The following LRRC75B variants were observed in gnomAD, a reference collection of about 807,000 sequenced individuals.
LRRC75B encodes leucine rich repeat containing 75B, also known as leucine-rich repeat-containing protein 75B.
A neutral mutation model predicts 16.5 loss-of-function variants in LRRC75B; 20 were observed. The observed-to-expected ratio is 1.21, with a 90% confidence interval of 0.85 to 1.76. The LOEUF is 1.76. Ranked by LOEUF, LRRC75B falls within the 40% of genes most tolerant of loss-of-function variation. LRRC75B has a pLI of 0.00. For synonymous variants in LRRC75B, 199 were observed against 198.1 expected (o/e 1.00, Z -0.04); for missense variants, 406 against 417.0 (o/e 0.97, Z 0.23).
intron 3 of LRRC75B, among the ~76,000 whole-genome samples, chr22:24,587,133 C>A (rs935049881): frequency 3.3e-5 from 5 of 152,180 alleles, no homozygotes; most frequent in African/African-American, 1.2e-4. Context: ...TTTCCCTGTG[C>A]CCCTTCTGAT....
chr22:24,589,285 G>A, intron 2 of LRRC75B: 1 of 1,239,546 alleles, frequency 8.1e-7, no homozygotes. Context: ...GGAGGCTGCA[G>A]GTGGCAAACT....
chr22:24,588,555 C>A, intron 2 of LRRC75B: 1 of 789,384 alleles, frequency 1.3e-6, no homozygotes, highest in Non-Finnish European at 1.9e-6. Flanking sequence ...TGGTCCAGTC[C>A]CGCAGTGCCC....
chr22:24,590,066 G>T, intron 1 of LRRC75B, 117 bp from the exon 2 acceptor site: 2 of 1,250,538 alleles, frequency 1.6e-6, no homozygotes, highest in South Asian at 3.3e-5. Flanking sequence ...CCTCCCTAAG[G>T]CTGGCTGGAT....
In LRRC75B at chr22:24,585,964, C is replaced by T. The variant is rs2045379821; in HGVS notation, c.870G>A (p.Gly290=). ...CCCAGGTGGAGGCAGGGGTGGTGGC[C>T]CCGGCCGCACTGCCCTCAGGCTCAA... is the stretch of plus-strand genomic sequence containing the variant. ...LDLEPEGSAA[G]ATTPASTWDS... Residue 290 remains glycine (G), a synonymous_variant, in exon 4 of 4, where the codon GGG becomes GGA. Coordinates refer to ENST00000318753, the MANE Select transcript of LRRC75B (RefSeq NM_207644.3). 13 of 1,609,712 alleles carry T rather than the reference C, an allele frequency of 8.1e-6. No homozygotes were observed. Among genetic ancestry groups the T allele is most frequent in the South Asian group, 1.1e-5 (1 of 91,066 alleles).
chr22:24,591,594 A>G (rs548419145), intron 1 of LRRC75B, among the ~76,000 whole-genome samples: 1 of 152,314 alleles, frequency 6.6e-6, no homozygotes, highest in South Asian at 2.1e-4. Flanking sequence ...CTGGACCTCA[A>G]ATCCCAACCT....
In LRRC75B at chr22:24,585,882, T is replaced by G; in HGVS notation, c.*4A>C. The G allele has an allele frequency of 6.4e-7, 1 of 1,572,920 alleles. No individual in the cohort carries two copies. The highest frequency in any genetic ancestry group is 2.3e-5 in the East Asian group (1 of 43,208). On this transcript the variant is annotated 3_prime_UTR_variant, in exon 4 of 4. Transcript: ENST00000318753. ...CAGTAGCAATGAGCCAGGTGGGTGGTGGGTCACCTGGCACAGCAGGCCTGG... is the reference window on the plus strand; with the variant it reads ...CAGTAGCAATGAGCCAGGTGGGTGGGGGGTCACCTGGCACAGCAGGCCTGG...
intron 2 of LRRC75B, 58 bp downstream of exon 2, chr22:24,589,763 T>C: frequency 6.6e-7 from 1 of 1,516,468 alleles, no homozygotes; most frequent in South Asian, 1.3e-5. Context: ...CCCTGGGCTC[T>C]GTTGGCCCCC....
intron 3 of LRRC75B, 64 bp from the exon 4 acceptor site, chr22:24,586,475 C>T: frequency 6.5e-7 from 1 of 1,528,878 alleles, no homozygotes; most frequent in Admixed American, 1.8e-5. Flanking sequence ...TGACCACAGA[C>T]AGTGACCTGT....
Position 24,586,059 on chromosome 22 carries a change from G to A in LRRC75B, c.775C>T (p.Leu259=). Reference sequence around the variant, plus strand: ...AGCCGCCGGCGCAGGCCGACCAGCAGGGGCTGGGGCAGGGAAGCCACATCC... The same window carrying A: ...AGCCGCCGGCGCAGGCCGACCAGCAAGGGCTGGGGCAGGGAAGCCACATCC... The part of the protein sequence containing the change: ...NVDVASLPQP[L]LVGLRRRLSQ... Residue 259 remains leucine (L), a synonymous_variant, in exon 4 of 4, where the codon CTG becomes TTG. Transcript: ENST00000318753. The A allele has an allele frequency of 6.2e-7, 1 of 1,612,042 alleles. No individual in the cohort carries two copies. The highest frequency in any genetic ancestry group is 8.5e-7 in the Non-Finnish European group (1 of 1,179,930).
At position 24,590,369 on chromosome 22, in the gene LRRC75B, C is replaced by T. The variant is rs145597454; in HGVS notation, c.178-420G>A. Among the ~76,000 whole-genome samples the T allele has an allele frequency of 7.9e-3, 1,195 of 152,222 alleles. 16 individuals are homozygous for T. Among genetic ancestry groups the T allele is most frequent in the African/African-American group, 0.026 (1,084 of 41,516 alleles). ...CTGGTCTCAAACTCCTGGGCTCAAG[C>T]GATCCTCCCAAAGTGCTGGGATTAC... On this transcript the variant is annotated intron_variant, in intron 1 of 3. Coordinates refer to ENST00000318753, the MANE Select transcript of LRRC75B (RefSeq NM_207644.3).
intron 3 of LRRC75B, 63 bp downstream of exon 3, chr22:24,588,151 T>G (rs925286108): frequency 7.8e-7 from 1 of 1,282,494 alleles, no homozygotes; most frequent in Non-Finnish European, 1.1e-6. Flanking sequence ...AGAGTGCAGG[T>G]GTCAACCTGA....
chr22:24,592,788 C>T (rs2045611173), intron 1 of LRRC75B, 75 bp downstream of exon 1: 6 of 1,269,244 alleles, frequency 4.7e-6, no homozygotes, highest in Non-Finnish European at 6.0e-6. Context: ...ACCCATAGCC[C>T]CGCGCCTCCC....
intron 1 of LRRC75B, 43 bp downstream of exon 1, chr22:24,592,820 C>T (rs1023772084): frequency 5.5e-6 from 7 of 1,266,246 alleles, no homozygotes; most frequent in African/African-American, 1.6e-5. Flanking sequence ...CCCCCAGACC[C>T]TCCCTGGCCG....
At chr22:24,590,072 T>C in intron 1 of LRRC75B, 123 bp from the exon 2 acceptor site, 1 of 1,205,048 alleles carries the variant, frequency 8.3e-7, no homozygotes, top group Non-Finnish European at 1.1e-6. Context: ...TAAGGCTGGC[T>C]GGATTCTCCC....
chr22:24,588,098 T>C, intron 3 of LRRC75B, 116 bp downstream of exon 3: 1 of 793,100 alleles, frequency 1.3e-6, no homozygotes, highest in Non-Finnish European at 2.1e-6. Flanking sequence ...GCGGACCAGG[T>C]GAGGGCCTCA....
chr22:24,589,544 G>T (rs1275308215), intron 2 of LRRC75B: 3 of 462,800 alleles, frequency 6.5e-6, no homozygotes, highest in East Asian at 5.8e-5. Flanking sequence ...AGTCTTCCTG[G>T]TCTGGGCCCC....
At chr22:24,590,807 T>G (rs1463202998) in intron 1 of LRRC75B, among the ~76,000 whole-genome samples, 1 of 152,092 alleles carries the variant, frequency 6.6e-6, no homozygotes, top group Non-Finnish European at 1.5e-5. Flanking sequence ...CCCAGCTCAG[T>G]ATAGGGCACC....
chr22:24,592,143 A>G (rs759204206), intron 1 of LRRC75B: 97 of 381,646 alleles, frequency 2.5e-4, no homozygotes, highest in Non-Finnish European at 4.7e-4. Context: ...TGGTGAGGGA[A>G]GTGGCATGCC....
Position 24,586,030 on chromosome 22 carries a change from G to A in LRRC75B, c.804C>T (p.Ser268=). The A allele has an allele frequency of 1.2e-6, 2 of 1,611,020 alleles. No homozygotes were observed. The highest frequency in any genetic ancestry group is 1.7e-6 in the Non-Finnish European group (2 of 1,179,902). Residue 268 remains serine, a synonymous_variant, in exon 4 of 4, where the codon AGC becomes AGT. Coordinates refer to ENST00000318753, the MANE Select transcript of LRRC75B (RefSeq NM_207644.3). ...PLLVGLRRRL[S]QRTSLPTIYE... ...AGATGGTGGGGAGTGAGGTGCGCTG[G>A]CTCAGCCGCCGGCGCAGGCCGACCA...
Sources: allele counts gnomAD v4.1 joint callset (sites outside exome capture counted in the v4.1 genomes callset), GRCh38; gene constraint gnomAD v4.1.1; transcripts MANE v1.5; gene names NCBI Gene and HGNC (gene_info 2026-07-23, HGNC 2026-07-21).